Variants in SMAP1 observed in about 807,000 individuals in gnomAD.
The protein encoded by SMAP1 is small ArfGAP 1.
A neutral mutation model predicts 58.5 loss-of-function variants in SMAP1; 24 were observed. The ratio of observed to expected loss-of-function variants is 0.41; its 90% CI spans 0.30 to 0.58. SMAP1 has a LOEUF of 0.58. Ranked by LOEUF, SMAP1 falls within the 20% of genes least tolerant of loss-of-function variation. SMAP1 has a pLI of 0.29. For missense variants in SMAP1, 563 were observed against 566.3 expected (o/e 0.99, Z 0.06); for synonymous variants, 216 against 196.6 (o/e 1.10, Z -0.82).
At chr6:70,811,573 GACACAC>G (rs139108005) in intron 6 of SMAP1, among the ~76,000 whole-genome samples, 45 of 150,302 alleles carry the variant, frequency 3.0e-4, no homozygotes, top group Non-Finnish European at 4.4e-5. Context: ...CACCCCTGCT[GACACAC>G]ACACACACAC....
At chr6:70,787,434 C>A (rs1351223707) in intron 4 of SMAP1, among the ~76,000 whole-genome samples, 1 of 151,844 alleles carries the variant, frequency 6.6e-6, no homozygotes, top group Non-Finnish European at 1.5e-5. Context: ...GCAACAAAAG[C>A]CAAAATTGAC....
At chr6:70,792,837 G>C (rs72930843) in intron 5 of SMAP1, among the ~76,000 whole-genome samples, 1 of 151,946 alleles carries the variant, frequency 6.6e-6, no homozygotes, top group Non-Finnish European at 1.5e-5. Context: ...AGTTTTAAGC[G>C]TTGGGGGGTG....
intron 3 of SMAP1, among the ~76,000 whole-genome samples, chr6:70,766,262 G>A (rs2149902836): frequency 6.6e-6 from 1 of 152,258 alleles, no homozygotes; most frequent in South Asian, 2.1e-4. Context: ...TACATACCTA[G>A]TAATGGGATG....
chr6:70,738,031 C>T (rs1234681061), intron 2 of SMAP1, among the ~76,000 whole-genome samples: 2 of 152,056 alleles, frequency 1.3e-5, no homozygotes, highest in African/African-American at 4.8e-5. Context: ...AAATCGATTG[C>T]CTTGGAAGAT....
At chr6:70,683,165 C>CTT (rs112629325) in intron 1 of SMAP1, among the ~76,000 whole-genome samples, 18 of 114,540 alleles carry the variant, frequency 1.6e-4, no homozygotes, top group South Asian at 2.9e-4. Context: ...TAAGATTTAA[C>CTT]TTTTTTTTTT....
At chr6:70,808,544 A>G (rs148130260) in intron 6 of SMAP1, among the ~76,000 whole-genome samples, 119 of 152,330 alleles carry the variant, frequency 7.8e-4, no homozygotes, top group African/African-American at 2.8e-3. Flanking sequence ...CTCCTGATCC[A>G]TCAGTCACTT....
At chr6:70,746,538 G>C (rs1294007024) in intron 2 of SMAP1, among the ~76,000 whole-genome samples, 1 of 152,178 alleles carries the variant, frequency 6.6e-6, no homozygotes, top group African/African-American at 2.4e-5. Context: ...TATCCTGGTG[G>C]ATAAGCTTTT....
At chr6:70,775,545 A>G (rs79724074) in intron 4 of SMAP1, among the ~76,000 whole-genome samples, 4,368 of 152,268 alleles carry the variant, frequency 0.029, 67 homozygotes, top group South Asian at 0.046. Flanking sequence ...AACACTTTCA[A>G]GTGGTTTGGT....
intron 1 of SMAP1, among the ~76,000 whole-genome samples, chr6:70,729,696 C>G (rs1425213092): frequency 6.6e-6 from 1 of 152,116 alleles, no homozygotes; most frequent in African/African-American, 2.4e-5. Flanking sequence ...ACTGTATTTT[C>G]TATGAGTAAG....
intron 1 of SMAP1, among the ~76,000 whole-genome samples, chr6:70,712,247 GT>G (rs1164037379): frequency 6.6e-6 from 1 of 152,200 alleles, no homozygotes; most frequent in Non-Finnish European, 1.5e-5. Flanking sequence ...ATTGATTTGT[GT>G]ATGTTAAGCC....
At chr6:70,755,964 G>A (rs2149890471) in intron 3 of SMAP1, among the ~76,000 whole-genome samples, 1 of 152,120 alleles carries the variant, frequency 6.6e-6, no homozygotes, top group South Asian at 2.1e-4. Flanking sequence ...TTTGCTTTAT[G>A]AATCCACCTT....
At chr6:70,773,832 T>C (rs1353015259) in intron 4 of SMAP1, among the ~76,000 whole-genome samples, 3 of 152,190 alleles carry the variant, frequency 2.0e-5, no homozygotes, top group African/African-American at 4.8e-5. Context: ...CAGGAATATA[T>C]TAAAAGATGG....
intron 4 of SMAP1, among the ~76,000 whole-genome samples, chr6:70,775,120 G>A (rs1006930645): frequency 2.0e-5 from 3 of 152,056 alleles, no homozygotes; most frequent in East Asian, 1.9e-4. Context: ...GAGGAAATCT[G>A]TTGAAGGGTT....
At chr6:70,761,227 C>G (rs1766733702) in intron 3 of SMAP1, among the ~76,000 whole-genome samples, 1 of 151,636 alleles carries the variant, frequency 6.6e-6, no homozygotes, top group Non-Finnish European at 1.5e-5. Flanking sequence ...TGTATAGTAC[C>G]AATTGTTAGT....
chr6:70,828,305 A>G (rs1352213784), intron 6 of SMAP1, among the ~76,000 whole-genome samples: 1 of 152,214 alleles, frequency 6.6e-6, no homozygotes, highest in East Asian at 1.9e-4. Flanking sequence ...AGGTAATCAG[A>G]TAGGATAGTA....
chr6:70,677,180 A>AT (rs78899089), intron 1 of SMAP1, among the ~76,000 whole-genome samples: 3,127 of 134,788 alleles, frequency 0.023, 97 homozygotes, highest in African/African-American at 0.073. Flanking sequence ...TATATATATA[A>AT]TTTTTTTTTT....
chr6:70,755,880 A>T (rs548262624), intron 3 of SMAP1, among the ~76,000 whole-genome samples: 52 of 152,134 alleles, frequency 3.4e-4, no homozygotes, highest in African/African-American at 1.2e-3. Flanking sequence ...GGCAAATTAC[A>T]TAGTATTTTT....
Position 70,785,087 on chromosome 6 carries a change from G to C in SMAP1, c.415-6602G>C, listed in dbSNP as rs980810549. Among the ~76,000 whole-genome samples the C allele has an allele frequency of 2.6e-5, 4 of 151,950 alleles. No individual in the cohort carries two copies. In the South Asian group the frequency reaches 8.3e-4, roughly 32 times the overall value. On this transcript the variant is annotated intron_variant, in intron 4 of 10. Transcript: ENST00000370455. ...TCCTCAGCAAATGTAAAAGAACAGA[G>C]ATTATAACAAACTGTCTCTCAGACC...
Position 70,832,117 on chromosome 6 carries a change from TG to T in SMAP1, c.577-4822del, listed in dbSNP as rs529186421. ...CCCATTTTTTAACGGGGTTGTTTTT[TG>T]GTTGTTATTTCGTTTAAGTTCCTTA... On this transcript the variant is annotated intron_variant, in intron 6 of 10. Transcript: ENST00000370455. 1.1e-4 allele frequency among the ~76,000 whole-genome samples: 16 copies of T among 152,324 alleles called. No homozygotes were observed. The East Asian group carries it at 1.2e-3, about 11-fold the overall frequency.
Sources: gnomAD v4.1 joint callset for allele counts (sites outside exome capture counted in the v4.1 genomes callset) on GRCh38, gnomAD v4.1.1 for gene constraint, MANE v1.5 for transcripts, NCBI Gene and HGNC (gene_info 2026-07-23, HGNC 2026-07-21) for gene names.